IFNG-AS1: variants seen among roughly 807,000 people sequenced by gnomAD.
IFNG-AS1 encodes the protein IFNG antisense RNA 1 (non-protein coding).
chr12:68,016,011 C>T (rs181439914), intron 3 of IFNG-AS1, among the ~76,000 whole-genome samples: 192 of 152,114 alleles, frequency 1.3e-3, no homozygotes, highest in Admixed American at 2.0e-3. Context: ...CTCTCTCATT[C>T]CTAATCTAGT....
At chr12:68,020,876 G>A (rs891593440) in intron 4 of IFNG-AS1, 34 of 152,258 alleles carry the variant, frequency 2.2e-4, no homozygotes, top group African/African-American at 7.9e-4. Flanking sequence ...TAAAAGGTAG[G>A]GTGGGAGTGT....
intron 3 of IFNG-AS1, among the ~76,000 whole-genome samples, chr12:68,009,281 C>A (rs1010069281): frequency 1.3e-5 from 2 of 152,174 alleles, no homozygotes; most frequent in African/African-American, 4.8e-5. Flanking sequence ...AACTCAGATG[C>A]ATCAGTATCA....
intron 2 of IFNG-AS1, among the ~76,000 whole-genome samples, chr12:67,999,570 T>C (rs1879719902): frequency 1.3e-5 from 2 of 152,282 alleles, no homozygotes; most frequent in South Asian, 4.1e-4. Flanking sequence ...AAGTAAATTA[T>C]GGTAATAATG....
rs908695062 is a variant in IFNG-AS1, at chr12:68,003,643, G to A, written n.185-2447G>A. Reference sequence around the variant, plus strand: ...ACAGAATCCGTATTAGGCCGGGCGTGGTGGCTCACGCCTGTAATCCCAGCA... The same window carrying A: ...ACAGAATCCGTATTAGGCCGGGCGTAGTGGCTCACGCCTGTAATCCCAGCA... On this transcript the variant is annotated intron_variant and non_coding_transcript_variant, in intron 2 of 5. Coordinates refer to ENST00000536914, the Ensembl canonical transcript of IFNG-AS1. Among the ~76,000 whole-genome samples the A allele has an allele frequency of 2.6e-5, 4 of 152,222 alleles. No individual in the cohort carries two copies. The East Asian group carries it at 7.7e-4, about 29-fold the overall frequency.
At chr12:67,997,317 A>T (rs1296106294) in intron 2 of IFNG-AS1, among the ~76,000 whole-genome samples, 1 of 152,112 alleles carries the variant, frequency 6.6e-6, no homozygotes, top group African/African-American at 2.4e-5. Context: ...CTGATAGAAT[A>T]AATTAGAAAG....
chr12:68,013,694 C>T (rs1196190493), intron 3 of IFNG-AS1: 1 of 152,158 alleles, frequency 6.6e-6, no homozygotes, highest in Non-Finnish European at 1.5e-5. Flanking sequence ...AAGTAGATAG[C>T]CCTCCATTTC....
chr12:68,017,291 T>A lies in IFNG-AS1; in HGVS notation n.242-2571T>A, dbSNP rs148025826. On this transcript the variant is annotated intron_variant and non_coding_transcript_variant, in intron 3 of 5. Coordinates refer to ENST00000536914, the Ensembl canonical transcript of IFNG-AS1. ...TAACCGTGCAGAGCCTCGTAAACCA[T>A]GGTGAAGGTTTGGGTTGAATTCCAA... is the stretch of plus-strand genomic sequence containing the variant. Among the ~76,000 whole-genome samples, 15 of 152,150 alleles carry A rather than the reference T, an allele frequency of 9.9e-5. No individual in the cohort carries two copies. The East Asian group carries it at 2.7e-3, about 27-fold the overall frequency.
chr12:67,990,004 G>C (rs1007249481), intron 1 of IFNG-AS1, among the ~76,000 whole-genome samples: 7 of 152,138 alleles, frequency 4.6e-5, no homozygotes, highest in Admixed American at 4.6e-4. Context: ...TGCCATGGGC[G>C]CCGTACTCAG....
exon 2 of IFNG-AS1, chr12:67,996,064 A>G (rs1450732692): frequency 1.3e-5 from 2 of 152,232 alleles, no homozygotes; most frequent in African/African-American, 4.8e-5. Flanking sequence ...ATTCCATGAA[A>G]TCAAAAAAGG....
At chr12:67,990,413 A>C (rs572409623) in intron 1 of IFNG-AS1, among the ~76,000 whole-genome samples, 1 of 152,338 alleles carries the variant, frequency 6.6e-6, no homozygotes, top group Admixed American at 6.5e-5. Context: ...GAACTGGTCC[A>C]TATAAATCCT....
chr12:68,014,289 C>G (rs1000086668), intron 3 of IFNG-AS1, among the ~76,000 whole-genome samples: 9 of 152,160 alleles, frequency 5.9e-5, no homozygotes, highest in Admixed American at 5.9e-4. Context: ...ATCTTGTCCT[C>G]TGGGTAGATA....
At chr12:68,010,664 CT>C (rs1880005953) in intron 3 of IFNG-AS1, among the ~76,000 whole-genome samples, 2 of 152,152 alleles carry the variant, frequency 1.3e-5, no homozygotes, top group African/African-American at 4.8e-5. Context: ...TCCCCATGTG[CT>C]CAATTTACAA....
intron 2 of IFNG-AS1, among the ~76,000 whole-genome samples, chr12:68,000,836 A>AT (rs1016730780): frequency 3.9e-5 from 6 of 151,996 alleles, no homozygotes; most frequent in Non-Finnish European, 8.8e-5. Flanking sequence ...TAATGAAGTA[A>AT]TTTTTTTATA....
chr12:68,018,020 G>A (rs186499623), intron 3 of IFNG-AS1, among the ~76,000 whole-genome samples: 4 of 152,144 alleles, frequency 2.6e-5, no homozygotes, highest in African/African-American at 9.6e-5. Flanking sequence ...CCTTTTGCTT[G>A]ATGTGTTCAT....
intron 1 of IFNG-AS1, among the ~76,000 whole-genome samples, chr12:67,992,770 T>G (rs1478490075): frequency 6.6e-6 from 1 of 152,194 alleles, no homozygotes; most frequent in Non-Finnish European, 1.5e-5. Flanking sequence ...TTTCTTTGAG[T>G]AAATATATCT....
chr12:68,016,568 A>G (rs1880160951), intron 3 of IFNG-AS1, among the ~76,000 whole-genome samples: 1 of 152,148 alleles, frequency 6.6e-6, no homozygotes, highest in East Asian at 1.9e-4. Context: ...AACATCCTTC[A>G]TATGGTTGCT....
At chr12:68,017,099 G>C (rs1880173597) in intron 3 of IFNG-AS1, among the ~76,000 whole-genome samples, 1 of 152,176 alleles carries the variant, frequency 6.6e-6, no homozygotes, top group South Asian at 2.1e-4. Flanking sequence ...TGAGACCTGA[G>C]AAAGAGCCAA....
chr12:68,003,799 C>T (rs952992735), intron 2 of IFNG-AS1, among the ~76,000 whole-genome samples: 7 of 150,860 alleles, frequency 4.6e-5, no homozygotes, highest in Non-Finnish European at 8.8e-5. Flanking sequence ...CCTAGCTACC[C>T]GGGAGGCTGA....
chr12:68,019,953 G>C (rs1880248147), intron 4 of IFNG-AS1: 1 of 152,148 alleles, frequency 6.6e-6, no homozygotes, highest in Admixed American at 6.5e-5. Context: ...GACCTGGAGG[G>C]GCCAGTTGGG....
Sources: allele counts gnomAD v4.1 joint callset (sites outside exome capture counted in the v4.1 genomes callset), GRCh38; gene constraint gnomAD v4.1.1; transcripts MANE v1.5; gene names NCBI Gene and HGNC (gene_info 2026-07-23, HGNC 2026-07-21).